ZNF679: variants seen among roughly 807,000 people sequenced by gnomAD.
ZNF679 encodes hypothetical protein MGC42415.
ZNF679 carries 10 observed loss-of-function variants against 13.4 expected under a neutral mutation model. The ratio of observed to expected loss-of-function variants is 0.75; its 90% CI spans 0.46 to 1.27. ZNF679 has a LOEUF of 1.27. Ranked by LOEUF, ZNF679 falls within the 50% of genes most tolerant of loss-of-function variation. The pLI is 0.00. For synonymous variants in ZNF679, 179 were observed against 162.5 expected (o/e 1.10, Z -0.77); for missense variants, 525 against 477.8 (o/e 1.10, Z -0.92).
chr7:64,246,875 G>A (rs1274304884), intron 1 of ZNF679, among the ~76,000 whole-genome samples: 1 of 152,188 alleles, frequency 6.6e-6, no homozygotes, highest in South Asian at 2.1e-4. Flanking sequence ...CTACTCCTTA[G>A]ACACAGCAGC....
At chr7:64,237,437 C>G (rs960452218) in intron 1 of ZNF679, among the ~76,000 whole-genome samples, 18 of 152,122 alleles carry the variant, frequency 1.2e-4, no homozygotes, top group Non-Finnish European at 2.6e-4. Flanking sequence ...CTCAGTTCCC[C>G]CTGAACCCGG....
chr7:64,230,389 C>T (rs978291646), intron 1 of ZNF679, among the ~76,000 whole-genome samples: 9 of 151,692 alleles, frequency 5.9e-5, no homozygotes, highest in Admixed American at 1.3e-4. Flanking sequence ...AAAAATTAGC[C>T]GGGCGCGGTG....
intron 4 of ZNF679, among the ~76,000 whole-genome samples, chr7:64,264,705 C>G (rs1788121470): frequency 6.6e-6 from 1 of 152,100 alleles, no homozygotes; most frequent in African/African-American, 2.4e-5. Flanking sequence ...CTTTTCTGAC[C>G]TGCAAGCTTT....
At chr7:64,250,265 G>GTTT (rs11434714) in intron 2 of ZNF679, among the ~76,000 whole-genome samples, 1,519 of 90,902 alleles carry the variant, frequency 0.017, 19 homozygotes, top group Non-Finnish European at 0.02. Context: ...CTTTCCCTTG[G>GTTT]TTTTTTTTTT....
chr7:64,233,319 C>G (rs1392999898), intron 1 of ZNF679, among the ~76,000 whole-genome samples: 1 of 150,828 alleles, frequency 6.6e-6, no homozygotes, highest in Non-Finnish European at 1.5e-5. Flanking sequence ...GGGGAGACCT[C>G]GTCGTTAAGA....
intron 2 of ZNF679, among the ~76,000 whole-genome samples, chr7:64,254,930 G>A (rs904492927): frequency 1.3e-5 from 2 of 149,588 alleles, no homozygotes; most frequent in Admixed American, 6.8e-5. Context: ...AACTCAGGAG[G>A]TGGAGGTTGC....
At chr7:64,256,514 C>A (rs1167279282) in intron 2 of ZNF679, among the ~76,000 whole-genome samples, 1 of 152,118 alleles carries the variant, frequency 6.6e-6, no homozygotes, top group Non-Finnish European at 1.5e-5. Context: ...AATGGTTAAA[C>A]AAATTTATAC....
At chr7:64,247,878 A>G (rs1440499910) in intron 1 of ZNF679, among the ~76,000 whole-genome samples, 5 of 151,498 alleles carry the variant, frequency 3.3e-5, no homozygotes, top group Non-Finnish European at 1.5e-5. Flanking sequence ...TTACTTTTTA[A>G]TATTTGGCTA....
At chr7:64,246,222 C>A (rs1277598467) in intron 1 of ZNF679, among the ~76,000 whole-genome samples, 3 of 152,208 alleles carry the variant, frequency 2.0e-5, no homozygotes, top group African/African-American at 7.2e-5. Flanking sequence ...AGGAGACACT[C>A]TAACTCCCCT....
intron 1 of ZNF679, among the ~76,000 whole-genome samples, chr7:64,236,610 C>T (rs116528590): frequency 6.6e-6 from 1 of 151,938 alleles, no homozygotes; most frequent in Non-Finnish European, 1.5e-5. Context: ...AATGGCGAAA[C>T]CTCATCTCTT....
chr7:64,264,565 A>G (rs1327189629), intron 4 of ZNF679, among the ~76,000 whole-genome samples: 1 of 152,014 alleles, frequency 6.6e-6, no homozygotes, highest in African/African-American at 2.4e-5. Context: ...TGCAGTGCTT[A>G]TATGCTTTTC....
intron 2 of ZNF679, among the ~76,000 whole-genome samples, 196 bp from the exon 3 acceptor site, chr7:64,260,025 C>T (rs117290253): frequency 0.011 from 1,673 of 152,224 alleles, 23 homozygotes; most frequent in Non-Finnish European, 0.018. Flanking sequence ...AGTATCATAT[C>T]TACAGTGGTA....
intron 1 of ZNF679, among the ~76,000 whole-genome samples, chr7:64,231,021 C>A (rs1395355920): frequency 6.6e-6 from 1 of 152,168 alleles, no homozygotes. Context: ...GGCAAAGTGA[C>A]AATCCTGACT....
At chr7:64,243,672 A>C (rs1406281762) in intron 1 of ZNF679, among the ~76,000 whole-genome samples, 1 of 152,200 alleles carries the variant, frequency 6.6e-6, no homozygotes, top group Non-Finnish European at 1.5e-5. Flanking sequence ...AAGCCCAGGC[A>C]GGAGTCACAT....
rs1456864891 is a variant in ZNF679 at position 64,236,141 on chromosome 7, T to C, written c.-91+7489T>C. On this transcript the variant is annotated intron_variant, in intron 1 of 4. Transcript: ENST00000421025. ...TTAGCCTGGTGTGGTGGCTCACACC[T>C]GTAATCCCAGCTACTCAGGAGGCTG... is the stretch of plus-strand genomic sequence containing the variant. Among the ~76,000 whole-genome samples the C allele has an allele frequency of 3.3e-5, 5 of 151,912 alleles. No individual in the cohort carries two copies. The East Asian group carries it at 7.8e-4, about 24-fold the overall frequency.
intron 2 of ZNF679, among the ~76,000 whole-genome samples, chr7:64,259,740 C>T (rs1788049881): frequency 6.6e-6 from 1 of 151,976 alleles, no homozygotes; most frequent in African/African-American, 2.4e-5. Flanking sequence ...CAAGCCTGGC[C>T]AACGTGGAGA....
intron 1 of ZNF679, among the ~76,000 whole-genome samples, chr7:64,245,767 G>A (rs1787860673): frequency 6.6e-6 from 1 of 152,138 alleles, no homozygotes; most frequent in African/African-American, 2.4e-5. Context: ...AGTACCTCGG[G>A]AGGCCGAGGT....
chr7:64,233,836 G>A (rs1363484302), intron 1 of ZNF679, among the ~76,000 whole-genome samples: 1 of 152,124 alleles, frequency 6.6e-6, no homozygotes, highest in African/African-American at 2.4e-5. Flanking sequence ...CTCTGGAGAT[G>A]GGGAAAATGG....
rs372896063 is a variant in ZNF679, at chr7:64,245,421, A to AAGAGAGAGAG, written c.-90-3594_-90-3585dup. Reference sequence around the variant, plus strand: ...AAAAGATAGGAAAGGGAGAGAGAGAAAGAGAGAGAGAGAGAGAGAGAGGGA... The same window carrying AAGAGAGAGAG: ...AAAAGATAGGAAAGGGAGAGAGAGAAAGAGAGAGAGAGAGAGAGAGAGAGAGAGAGAGGGA... On this transcript the variant is annotated intron_variant, in intron 1 of 4. Transcript: ENST00000421025. Among the ~76,000 whole-genome samples the AAGAGAGAGAG allele has an allele frequency of 5.3e-3, 432 of 81,364 alleles. 5 individuals carry two copies. Among genetic ancestry groups the AAGAGAGAGAG allele is most frequent in the African/African-American group, 0.031 (403 of 13,002 alleles). The allele number at this position is 81,364 out of a possible 152,430, so 53.4% of individuals were successfully genotyped here.
Sources: gnomAD v4.1 joint callset for allele counts (sites outside exome capture counted in the v4.1 genomes callset) on GRCh38, gnomAD v4.1.1 for gene constraint, MANE v1.5 for transcripts, NCBI Gene and HGNC (gene_info 2026-07-23, HGNC 2026-07-21) for gene names.